Variants in TEK observed in about 807,000 individuals in gnomAD.
TEK encodes angiopoietin-1 receptor.
TEK carries 43 observed loss-of-function variants against 131.8 expected under a neutral mutation model. The ratio of observed to expected loss-of-function variants is 0.33; its 90% CI spans 0.26 to 0.42. TEK has a LOEUF of 0.42. Ranked by LOEUF, TEK falls within the 10% of genes least tolerant of loss-of-function variation. The pLI is 1.00. For missense variants in TEK, 1,162 were observed against 1,384.4 expected (o/e 0.84, Z 2.55); for synonymous variants, 580 against 491.6 (o/e 1.18, Z -2.38).
chr9:27,217,303 C>T (rs1825851030), intron 18 of TEK, among the ~76,000 whole-genome samples: 1 of 152,140 alleles, frequency 6.6e-6, no homozygotes, highest in African/African-American at 2.4e-5. Context: ...TTCTCTTCAC[C>T]CTACCCCAGT....
At chr9:27,139,899 A>T (rs1038507431) in intron 1 of TEK, among the ~76,000 whole-genome samples, 3 of 152,186 alleles carry the variant, frequency 2.0e-5, no homozygotes, top group Non-Finnish European at 2.9e-5. Flanking sequence ...ATAATTGTGT[A>T]TGATTTGGTA....
chr9:27,125,683 C>T (rs192232215), intron 1 of TEK, among the ~76,000 whole-genome samples: 35 of 152,286 alleles, frequency 2.3e-4, no homozygotes, highest in African/African-American at 7.0e-4. Flanking sequence ...ATGAGGGTTA[C>T]ATGATTTGAA....
At chr9:27,145,091 G>A (rs1352795881) in intron 1 of TEK, among the ~76,000 whole-genome samples, 20 of 152,142 alleles carry the variant, frequency 1.3e-4, no homozygotes, top group Non-Finnish European at 2.5e-4. Flanking sequence ...GTCTCCCTGA[G>A]GTTCAGCTGG....
intron 1 of TEK, among the ~76,000 whole-genome samples, chr9:27,133,489 C>A (rs1395647220): frequency 6.6e-6 from 1 of 152,212 alleles, no homozygotes; most frequent in Non-Finnish European, 1.5e-5. Context: ...AATCTTCCAA[C>A]ATAGCCTCCT....
chr9:27,111,248 T>C (rs1052583304), intron 1 of TEK, among the ~76,000 whole-genome samples: 1 of 151,892 alleles, frequency 6.6e-6, no homozygotes, highest in Non-Finnish European at 1.5e-5. Context: ...AGTAGGTTCA[T>C]GTTCTTGTTA....
intron 9 of TEK, among the ~76,000 whole-genome samples, chr9:27,188,081 C>T (rs1824666697): frequency 1.3e-5 from 2 of 152,102 alleles, no homozygotes. Flanking sequence ...ATGAATCTTG[C>T]AAACATGATA....
chr9:27,166,712 T>A (rs1202260463), intron 2 of TEK, among the ~76,000 whole-genome samples: 2 of 152,236 alleles, frequency 1.3e-5, no homozygotes, highest in Non-Finnish European at 2.9e-5. Context: ...TATGTGCCAT[T>A]ATGTCGAATG....
intron 1 of TEK, among the ~76,000 whole-genome samples, chr9:27,133,932 G>C (rs999801190): frequency 2.0e-5 from 3 of 152,220 alleles, no homozygotes; most frequent in Non-Finnish European, 4.4e-5. Context: ...AGCTGGAAGT[G>C]ATGGATAGGT....
intron 1 of TEK, among the ~76,000 whole-genome samples, chr9:27,127,310 C>CT (rs1389199814): frequency 6.6e-6 from 1 of 152,136 alleles, no homozygotes; most frequent in African/African-American, 2.4e-5. Flanking sequence ...TAAACTCATC[C>CT]TTTTTTATGA....
intron 4 of TEK, 55 bp downstream of exon 4, chr9:27,169,684 T>G: frequency 1.9e-6 from 3 of 1,610,804 alleles, no homozygotes; most frequent in Non-Finnish European, 2.5e-6. Flanking sequence ...GTTGTTAGGA[T>G]TTTTAGTTGC....
intron 15 of TEK, among the ~76,000 whole-genome samples, chr9:27,208,718 T>G (rs1825492280): frequency 6.6e-6 from 1 of 152,210 alleles, no homozygotes; most frequent in South Asian, 2.1e-4. Flanking sequence ...AGCTAAAATC[T>G]AAAAGATGAT....
intron 9 of TEK, among the ~76,000 whole-genome samples, chr9:27,189,645 A>G (rs1344557999): frequency 2.0e-5 from 3 of 152,116 alleles, no homozygotes; most frequent in Non-Finnish European, 4.4e-5. Context: ...GAGAGGCCTG[A>G]TGTTGTAGAC....
intron 11 of TEK, among the ~76,000 whole-genome samples, chr9:27,196,298 T>C (rs1303572904): frequency 6.6e-6 from 1 of 152,222 alleles, no homozygotes; most frequent in Non-Finnish European, 1.5e-5. Flanking sequence ...TATCATAATT[T>C]ATTAAAGCAG....
chr9:27,118,325 C>A (rs10967724), intron 1 of TEK, among the ~76,000 whole-genome samples: 8,485 of 152,116 alleles, frequency 0.056, 331 homozygotes, highest in East Asian at 0.22. Flanking sequence ...GGTTAAGTGA[C>A]ATGTCCAAGG....
intron 9 of TEK, among the ~76,000 whole-genome samples, chr9:27,186,319 T>C (rs1172796666): frequency 6.6e-6 from 1 of 152,160 alleles, no homozygotes; most frequent in Non-Finnish European, 1.5e-5. Flanking sequence ...GAATTTTAAA[T>C]CCGCAAGTTA....
intron 13 of TEK, among the ~76,000 whole-genome samples, chr9:27,203,556 T>TTAGGTC (rs68023001): frequency 0.21 from 31,288 of 152,092 alleles, 3,698 homozygotes; most frequent in Non-Finnish European, 0.27. Flanking sequence ...ATGCAGGTTA[T>TTAGGTC]TCCATGTCCA....
chr9:27,125,445 T>C (rs1821952147), intron 1 of TEK, among the ~76,000 whole-genome samples: 1 of 152,226 alleles, frequency 6.6e-6, no homozygotes, highest in African/African-American at 2.4e-5. Flanking sequence ...TAAGACTAGC[T>C]TCTATTAGAG....
chr9:27,110,472 C>G, intron 1 of TEK, among the ~76,000 whole-genome samples: 1 of 152,156 alleles, frequency 6.6e-6, no homozygotes. Context: ...GTATCCAAAC[C>G]TGAACTACAT....
At chr9:27,112,000 G>C (rs568340182) in intron 1 of TEK, among the ~76,000 whole-genome samples, 1 of 150,882 alleles carries the variant, frequency 6.6e-6, no homozygotes, top group African/African-American at 2.4e-5. Flanking sequence ...CCAGGTTCAC[G>C]TGATTCTGTG....
Sources: gnomAD v4.1 joint callset for allele counts (sites outside exome capture counted in the v4.1 genomes callset) on GRCh38, gnomAD v4.1.1 for gene constraint, MANE v1.5 for transcripts, NCBI Gene and HGNC (gene_info 2026-07-23, HGNC 2026-07-21) for gene names.